The following TMIGD3 variants were observed in gnomAD, a reference collection of about 807,000 sequenced individuals.
TMIGD3 encodes AD026 protein (AD026).
TMIGD3 carries 21 observed loss-of-function variants against 28.1 expected under a neutral mutation model. The ratio of observed to expected loss-of-function variants is 0.75; its 90% confidence interval spans 0.53 to 1.08. The LOEUF (loss-of-function observed/expected upper bound fraction) is 1.08, where lower values mean the gene tolerates loss of function less well. Among genes scored for constraint, TMIGD3 ranks in the 50% least tolerant of loss-of-function variants. TMIGD3 has a pLI of 0.00. For missense variants in TMIGD3, 416 were observed against 435.6 expected, an observed-to-expected ratio of 0.96 and a Z score of 0.40; for synonymous variants, 151 against 162.1, an observed-to-expected ratio of 0.93 and a Z score of 0.52.
At chr1:111,519,728 T>C (rs1571431792) in intron 1 of TMIGD3, among the ~76,000 whole-genome samples, 3 of 151,326 alleles carry the variant, frequency 2.0e-5, no homozygotes. Flanking sequence ...GGAGTCTCAC[T>C]GTCACCCAGG....
intron 1 of TMIGD3, among the ~76,000 whole-genome samples, chr1:111,492,051 C>T (rs1343485040): frequency 2.6e-5 from 4 of 152,180 alleles, no homozygotes. Flanking sequence ...CCACCCTAGT[C>T]TCTCATGCTG....
At chr1:111,506,557 G>C (rs1391442543), upstream of TMIGD3, among the ~76,000 whole-genome samples, 2 of 152,220 alleles carry the variant, frequency 1.3e-5, no homozygotes, top group Non-Finnish European at 2.9e-5. Flanking sequence ...TCGGAGCCCA[G>C]GTTCCGAATG....
At chr1:111,537,529 A>G (rs948683367) in intron 1 of TMIGD3, among the ~76,000 whole-genome samples, 2 of 152,218 alleles carry the variant, frequency 1.3e-5, no homozygotes, top group African/African-American at 4.8e-5. Flanking sequence ...TAAAGAAGAA[A>G]TTTCCCTTTT....
At position 111,483,608 on chromosome 1, in the gene TMIGD3, C is replaced by T; in HGVS notation, c.*79G>A. On this transcript the variant is annotated 3_prime_UTR_variant, in exon 6 of 6. Coordinates refer to ENST00000369716, the MANE Select transcript of TMIGD3 (RefSeq NM_020683.7). ...GAATTCCTGGGAGATCAGAATCAGTCTCTGAGGTGTGGGCCAGTTGTCATG... is the reference window on the plus strand; with the variant it reads ...GAATTCCTGGGAGATCAGAATCAGTTTCTGAGGTGTGGGCCAGTTGTCATG... 1.7e-6 allele frequency: 2 copies of T among 1,166,694 alleles called. No homozygotes were observed. Among genetic ancestry groups the T allele is most frequent in the Non-Finnish European group, 2.5e-6 (2 of 786,320 alleles). The allele number at this position is 1,166,694 out of a possible 1,614,324, so 72.3% of individuals were successfully genotyped here. A position where few individuals can be genotyped will look rare whatever the true frequency, so the allele number is the denominator to read the frequency against.
At chr1:111,551,387 A>G (rs2101036055) in intron 1 of TMIGD3, among the ~76,000 whole-genome samples, 1 of 152,050 alleles carries the variant, frequency 6.6e-6, no homozygotes, top group African/African-American at 2.4e-5. Context: ...TTCCTTTACC[A>G]TTTCTTTTAC....
chr1:111,524,785 A>G (rs1656207552), intron 1 of TMIGD3, among the ~76,000 whole-genome samples: 1 of 151,714 alleles, frequency 6.6e-6, no homozygotes, highest in Admixed American at 6.6e-5. Context: ...ATACTCTACT[A>G]CCTTTTGTAT....
intron 1 of TMIGD3, among the ~76,000 whole-genome samples, chr1:111,528,480 G>A (rs569526370): frequency 1.1e-3 from 167 of 152,042 alleles, no homozygotes; most frequent in African/African-American, 3.6e-3. Flanking sequence ...CTTTAATATC[G>A]TGTTGGCTAT....
At chr1:111,546,420 C>T (rs1318630195) in intron 1 of TMIGD3, among the ~76,000 whole-genome samples, 2 of 152,138 alleles carry the variant, frequency 1.3e-5, no homozygotes, top group Non-Finnish European at 2.9e-5. Flanking sequence ...AGTAACTCCC[C>T]ATTCCTTCCT....
At chr1:111,525,547 C>T (rs1246137186) in intron 1 of TMIGD3, among the ~76,000 whole-genome samples, 1 of 151,958 alleles carries the variant, frequency 6.6e-6, no homozygotes, top group Non-Finnish European at 1.5e-5. Context: ...TACTTTTATC[C>T]CATTTGTGTC....
intron 1 of TMIGD3, among the ~76,000 whole-genome samples, chr1:111,528,241 A>T (rs55991403): frequency 4.8e-4 from 73 of 152,294 alleles, no homozygotes; most frequent in South Asian, 1.0e-3. Context: ...TCATTTGCTC[A>T]TCATCACTGG....
Position 111,486,570 on chromosome 1 carries a change from C to T in TMIGD3, c.872+16G>A, listed in dbSNP as rs770820525. 16 of 1,606,080 alleles carry T rather than the reference C, an allele frequency of 1.0e-5. No individual in the cohort carries two copies. The Middle Eastern group carries it at 5.5e-4, about 56-fold the overall frequency. ...CACCGCCCCAAGCCCATTCATCCGC[C>T]AAGACTATGACTCACCTGGAGCGGT... On this transcript the variant is annotated intron_variant, in intron 4 of 5. Coordinates refer to ENST00000369716, the MANE Select transcript of TMIGD3 (RefSeq NM_020683.7).
At chr1:111,527,006 CTTTTTT>C (rs71580580) in intron 1 of TMIGD3, among the ~76,000 whole-genome samples, 1 of 87,732 alleles carries the variant, frequency 1.1e-5, no homozygotes, top group Admixed American at 1.6e-4. Flanking sequence ...TCCTCAATGT[CTTTTTT>C]TTTTTTTTTT....
In TMIGD3 at chr1:111,503,397, C is replaced by A. The variant is rs371921172; in HGVS notation, c.-43G>T. 1.1e-5 allele frequency: 17 copies of A among 1,559,396 alleles called. No individual in the cohort carries two copies. The highest frequency in any genetic ancestry group is 1.4e-5 in the Non-Finnish European group (16 of 1,148,524). On this transcript the variant is annotated 5_prime_UTR_variant, in exon 1 of 6. Coordinates refer to ENST00000369716, the MANE Select transcript of TMIGD3 (RefSeq NM_020683.7). ...ACCTCCACAGGGACAGGTGAGCCAG[C>A]AAGATCCGTCTGTAGGGCCAGTGGG...
chr1:111,492,440 G>A (rs982820167), intron 1 of TMIGD3, among the ~76,000 whole-genome samples: 1 of 152,140 alleles, frequency 6.6e-6, no homozygotes, highest in East Asian at 1.9e-4. Context: ...GCATTGCTCA[G>A]AGATGGCAAC....
chr1:111,534,841 T>C (rs1265165932), intron 1 of TMIGD3, among the ~76,000 whole-genome samples: 1 of 152,160 alleles, frequency 6.6e-6, no homozygotes, highest in Non-Finnish European at 1.5e-5. Context: ...CTCCACCCCC[T>C]ATTTACTCTC....
rs1397499947 is a variant in TMIGD3 at position 111,529,988 on chromosome 1, C to T, written c.107+33858G>A. The stretch of plus-strand genomic sequence containing the variant: ...TCACCTCCCGGATGGGGCGGCTGGC[C>T]GGGCGGGGCGCTGACCCCCCCACCT... On this transcript the variant is annotated intron_variant, in intron 1 of 5. Coordinates refer to the TMIGD3 transcript ENST00000369717. 3.5e-5 allele frequency among the ~76,000 whole-genome samples: 4 copies of T among 113,578 alleles called. 1 individual carries two copies. The highest frequency in any genetic ancestry group is 2.8e-4 in the South Asian group (1 of 3,564). The allele number at this position is 113,578 out of a possible 152,430, so 74.5% of individuals were successfully genotyped here.
chr1:111,517,420 G>A (rs1655906227), intron 1 of TMIGD3, among the ~76,000 whole-genome samples: 1 of 151,562 alleles, frequency 6.6e-6, no homozygotes. Flanking sequence ...CATACCCCAG[G>A]CCATTTGTTG....
At chr1:111,556,050 A>G (rs908090430) in intron 1 of TMIGD3, among the ~76,000 whole-genome samples, 1 of 152,174 alleles carries the variant, frequency 6.6e-6, no homozygotes, top group African/African-American at 2.4e-5. Context: ...CGCACAAGAA[A>G]CTCCTGCAAC....
intron 1 of TMIGD3, among the ~76,000 whole-genome samples, chr1:111,502,430 C>T (rs34457698): frequency 5.1e-5 from 6 of 116,882 alleles, no homozygotes; most frequent in South Asian, 2.6e-4. Flanking sequence ...ATATAGGATA[C>T]ATATATTTAT....
Sources: gnomAD v4.1 joint callset for allele counts (sites outside exome capture counted in the v4.1 genomes callset) on GRCh38, gnomAD v4.1.1 for gene constraint, MANE v1.5 for transcripts, NCBI Gene and HGNC (gene_info 2026-07-23, HGNC 2026-07-21) for gene names.